The following CYLC1 variants were observed in gnomAD, a reference collection of about 807,000 sequenced individuals.
The protein encoded by CYLC1 is cylicin-1.
CYLC1 carries 2 observed loss-of-function variants against 31.6 expected under a neutral mutation model. The ratio of observed to expected loss-of-function variants is 0.06; its 90% CI spans 0.03 to 0.20. The LOEUF is 0.20. CYLC1 is among the 10% of genes least tolerant of loss of function. The pLI is 1.00. For missense variants in CYLC1, 595 were observed against 424.1 expected (o/e 1.40, Z -3.54); for synonymous variants, 185 against 153.0 (o/e 1.21, Z -1.54).
At chrX:83,875,030 A>G (rs1431620483) in intron 4 of CYLC1, among the ~76,000 whole-genome samples, 2 of 111,573 alleles carry the variant, frequency 1.8e-5, no homozygotes, top group African/African-American at 6.5e-5. Context: ...GTTGCTGAAT[A>G]CAGTAAAAGC....
intron 1 of CYLC1, among the ~76,000 whole-genome samples, chrX:83,864,337 CATT>C (rs2031560555): frequency 9.0e-6 from 1 of 110,817 alleles, no homozygotes; most frequent in Non-Finnish European, 1.9e-5. Flanking sequence ...TCCATATCAT[CATT>C]TTTTCTTAAC....
chrX:83,874,773 TAAAG>T (rs1424796279), intron 4 of CYLC1, 142 bp downstream of exon 4: 6 of 638,726 alleles, frequency 9.4e-6, no homozygotes, highest in Non-Finnish European at 1.3e-5. Context: ...GTAAGAAAAA[TAAAG>T]AATACCTCAC....
rs766412034 is a variant in CYLC1 at position 83,873,126 on chromosome X, A to G, written c.418A>G (p.Thr140Ala). Residue 140 changes from threonine to alanine, a missense_variant, in exon 4 of 5, where the codon ACA (threonine) becomes GCA (alanine). Thr to Ala is a moderately conservative substitution (Grantham distance 58). Coordinates refer to ENST00000329312, the MANE Select transcript of CYLC1 (RefSeq NM_021118.3). ...DSKKKGGSYA[T>A]NPESKQIVEE... ...CAAGAAAAAAGGAGGTTCATATGCAACAAATCCAGAATCCAAGCAAATAGT... is the reference window on the plus strand; with the variant it reads ...CAAGAAAAAAGGAGGTTCATATGCAGCAAATCCAGAATCCAAGCAAATAGT... 8.3e-7 allele frequency: 1 copy of G among 1,198,245 alleles called. No homozygotes were observed. Among genetic ancestry groups the G allele is most frequent in the South Asian group, 1.8e-5 (1 of 54,368 alleles).
rs867070973 is a variant in CYLC1 at position 83,886,641 on chromosome X, C to T, written c.*57C>T. 2.3e-5 allele frequency: 23 copies of T among 982,906 alleles called. No individual in the cohort carries two copies. In the Middle Eastern group the frequency reaches 4.2e-3, roughly 177 times the overall value. The allele number at this position is 982,906 out of a possible 1,213,427, so 81.0% of individuals were successfully genotyped here. On this transcript the variant is annotated 3_prime_UTR_variant, in exon 5 of 5. Coordinates refer to ENST00000329312, the MANE Select transcript of CYLC1 (RefSeq NM_021118.3). ...GCCTTACCACAGTAAGCACCACCTA[C>T]TCTCAAATGAGCATTTCTACCTCTG...
chrX:83,877,916 A>ATTTG (rs1186481805), intron 4 of CYLC1, among the ~76,000 whole-genome samples: 2 of 80,146 alleles, frequency 2.5e-5, no homozygotes, highest in Admixed American at 1.9e-4. Context: ...ATAAATATAT[A>ATTTG]TATATATATA....
At chrX:83,872,072 C>A (rs1347221351) in intron 3 of CYLC1, among the ~76,000 whole-genome samples, 2 of 111,077 alleles carry the variant, frequency 1.8e-5, no homozygotes, top group Non-Finnish European at 3.8e-5. Flanking sequence ...AAGTTACAGT[C>A]AATGCATTTA....
chrX:83,880,970 G>A (rs375315250), intron 4 of CYLC1, among the ~76,000 whole-genome samples: 1 of 111,679 alleles, frequency 9.0e-6, no homozygotes. Context: ...GCATGCAGAG[G>A]TTACATGACA....
intron 4 of CYLC1, among the ~76,000 whole-genome samples, chrX:83,882,322 A>G (rs1569336853): frequency 9.0e-6 from 1 of 110,545 alleles, no homozygotes. Flanking sequence ...ATATTTGCCA[A>G]TTACCTTTAT....
chrX:83,861,825 A>T (rs2147774729), intron 1 of CYLC1, among the ~76,000 whole-genome samples: 1 of 111,561 alleles, frequency 9.0e-6, no homozygotes, highest in African/African-American at 3.3e-5. Flanking sequence ...ATGCTAACTT[A>T]CACCTACCAG....
chrX:83,875,630 C>T (rs1472228521), intron 4 of CYLC1, among the ~76,000 whole-genome samples: 6 of 111,246 alleles, frequency 5.4e-5, no homozygotes, highest in Non-Finnish European at 1.1e-4. Flanking sequence ...AAAGACCTGC[C>T]CCCATAATTC....
In CYLC1 at chrX:83,869,869, A is replaced by C. The variant is rs1355415888; in HGVS notation, c.22A>C (p.Lys8Gln). 1 of 823,457 alleles carries C rather than the reference A, an allele frequency of 1.2e-6. No individual in the cohort carries two copies. The allele number at this position is 823,457 out of a possible 1,213,427, so 67.9% of individuals were successfully genotyped here. The change falls in exon 2 of 5, where the codon AAA (lysine) becomes CAA (glutamine). Residue 8 changes from lysine (K) to glutamine (Q), a missense_variant. Physicochemically the swap from Lys to Gln is moderately conservative, Grantham distance 53 (BLOSUM62 1). Coordinates refer to ENST00000329312, the MANE Select transcript of CYLC1 (RefSeq NM_021118.3). MSLPRLL[K>Q]VNIRTYDNSI... ...AGCATTTTCTTCTTTTAATAGGCTAAAAGTAAACATCAGAACATATGATAA... is the reference window on the plus strand; with the variant it reads ...AGCATTTTCTTCTTTTAATAGGCTACAAGTAAACATCAGAACATATGATAA...
At chrX:83,872,446 C>G (rs1225240485) in intron 3 of CYLC1, among the ~76,000 whole-genome samples, 1 of 110,335 alleles carries the variant, frequency 9.1e-6, no homozygotes, top group Non-Finnish European at 1.9e-5. Context: ...GGTTTTACAA[C>G]TATTACAGGA....
intron 4 of CYLC1, among the ~76,000 whole-genome samples, chrX:83,876,158 A>C: frequency 9.0e-6 from 1 of 110,587 alleles, no homozygotes; most frequent in East Asian, 2.8e-4. Flanking sequence ...TTGGAAGATA[A>C]AAACATCTTT....
chrX:83,874,492 C>A lies in CYLC1; in HGVS notation c.1784C>A (p.Ala595Glu). Residue 595 changes from alanine (A) to glutamate (E), a missense_variant, in exon 4 of 5, where the codon GCA becomes GAA. By Grantham distance (107) the Ala-to-Glu change is moderately radical. Coordinates refer to ENST00000329312, the MANE Select transcript of CYLC1 (RefSeq NM_021118.3). ...KTTFNEKGEK[A>E]STGRVPPSRE... ...ACATTCAATGAAAAAGGGGAAAAAG[C>A]AAGTACAGGTAGAGTTCCTCCATCA... is the stretch of plus-strand genomic sequence containing the variant. 1 of 1,209,649 alleles carries A rather than the reference C, an allele frequency of 8.3e-7. No individual in the cohort carries two copies.
chrX:83,868,886 A>G (rs1376377484), intron 1 of CYLC1, among the ~76,000 whole-genome samples: 1 of 110,719 alleles, frequency 9.0e-6, no homozygotes, highest in East Asian at 2.8e-4. Flanking sequence ...CTTTATTTCC[A>G]TATAAAAGCT....
chrX:83,873,518 G>C lies in CYLC1; in HGVS notation c.810G>C (p.Gln270His). 8.4e-7 allele frequency: 1 copy of C among 1,197,315 alleles called. No individual in the cohort carries two copies. The highest frequency in any genetic ancestry group is 1.1e-6 in the Non-Finnish European group (1 of 886,153). ...ATGCATGGTTAAGGAATTACTCACA[G>C]AATAATTCAAAGAATTATTCTTTGA... Reference protein sequence around the residue: ...NFDAWLRNYSQNNSKNYSLKY... With the variant: ...NFDAWLRNYSHNNSKNYSLKY... Residue 270 changes from glutamine (Q) to histidine (H), a missense_variant, in exon 4 of 5, where the codon CAG (glutamine) becomes CAC (histidine). Transcript: ENST00000329312.
intron 3 of CYLC1, among the ~76,000 whole-genome samples, chrX:83,872,468 A>G (rs2031679315): frequency 9.1e-6 from 1 of 110,416 alleles, no homozygotes; most frequent in Admixed American, 9.7e-5. Context: ...CTGTCATAAC[A>G]AACTTCAAGT....
chrX:83,878,776 C>T (rs981127309), intron 4 of CYLC1, among the ~76,000 whole-genome samples: 4 of 105,379 alleles, frequency 3.8e-5, no homozygotes, highest in Non-Finnish European at 7.7e-5. Context: ...AAGAGAATAC[C>T]TATGTATCCT....
At chrX:83,872,736 C>CAG (rs1323818862) in intron 3 of CYLC1, 150 bp from the exon 4 acceptor site, 2 of 407,022 alleles carry the variant, frequency 4.9e-6, no homozygotes, top group East Asian at 8.5e-5. Context: ...CACACACACA[C>CAG]ACACACACAC....
Sources: gnomAD v4.1 joint callset for allele counts (sites outside exome capture counted in the v4.1 genomes callset) on GRCh38, gnomAD v4.1.1 for gene constraint, MANE v1.5 for transcripts, NCBI Gene and HGNC (gene_info 2026-07-23, HGNC 2026-07-21) for gene names.